The following KIAA1328 variants were observed in gnomAD, a reference collection of about 807,000 sequenced individuals.
KIAA1328 encodes KIAA1328.
KIAA1328 carries 52 observed loss-of-function variants against 68.1 expected under a neutral mutation model. The ratio of observed to expected loss-of-function variants is 0.76; its 90% CI spans 0.61 to 0.96. The LOEUF (loss-of-function observed/expected upper bound fraction) is 0.96, where lower values mean the gene tolerates loss of function less well. KIAA1328 is among the 40% of genes least tolerant of loss of function. The probability of loss-of-function intolerance (pLI) is 0.00; values close to 1 mark genes in which losing one functional copy is unlikely to be tolerated. For synonymous variants in KIAA1328, 232 were observed against 239.4 expected (o/e 0.97, Z 0.28); for missense variants, 641 against 677.6 (o/e 0.95, Z 0.60).
At chr18:37,011,294 A>G (rs992654171) in intron 6 of KIAA1328, among the ~76,000 whole-genome samples, 3 of 152,146 alleles carry the variant, frequency 2.0e-5, no homozygotes, top group African/African-American at 4.8e-5. Flanking sequence ...ACCTGCCACT[A>G]CATTACCTAT....
intron 5 of KIAA1328, among the ~76,000 whole-genome samples, chr18:36,931,160 A>G (rs773260765): frequency 1.3e-5 from 2 of 152,088 alleles, no homozygotes; most frequent in African/African-American, 4.8e-5. Context: ...CTCCCAAACA[A>G]TAAAGAAATC....
chr18:37,015,997 C>G (rs576918771), intron 6 of KIAA1328, among the ~76,000 whole-genome samples: 1 of 152,078 alleles, frequency 6.6e-6, no homozygotes, highest in South Asian at 2.1e-4. Flanking sequence ...ATTTCTTTCT[C>G]TTGCCTGATT....
At chr18:36,930,574 A>T (rs980415505) in intron 5 of KIAA1328, among the ~76,000 whole-genome samples, 1 of 152,162 alleles carries the variant, frequency 6.6e-6, no homozygotes, top group African/African-American at 2.4e-5. Flanking sequence ...AGTTTTAAAA[A>T]TAATGGTAGC....
chr18:36,916,920 A>AT (rs769222475), intron 5 of KIAA1328, among the ~76,000 whole-genome samples: 329 of 142,112 alleles, frequency 2.3e-3, no homozygotes, highest in Middle Eastern at 3.7e-3. Context: ...AGCTCACTTC[A>AT]TTTTTTTTTT....
intron 9 of KIAA1328, among the ~76,000 whole-genome samples, chr18:37,176,471 T>C (rs960985396): frequency 6.6e-5 from 10 of 152,230 alleles, no homozygotes; most frequent in Non-Finnish European, 1.2e-4. Context: ...CTGCAGTGTT[T>C]CTTTCTCTCC....
intron 4 of KIAA1328, among the ~76,000 whole-genome samples, chr18:36,883,849 A>G (rs1337805093): frequency 2.0e-5 from 3 of 151,604 alleles, no homozygotes; most frequent in Admixed American, 1.3e-4. Flanking sequence ...CTGTCATCCT[A>G]TTGGTATGGC....
intron 7 of KIAA1328, among the ~76,000 whole-genome samples, chr18:37,137,892 G>A (rs1358361188): frequency 6.6e-6 from 1 of 152,008 alleles, no homozygotes; most frequent in African/African-American, 2.4e-5. Flanking sequence ...ATAACTGTGT[G>A]ATAATATAAC....
rs2059508896 is a variant in KIAA1328 at position 37,171,993 on chromosome 18, C to T, written c.1415-980C>T. 2.6e-5 allele frequency among the ~76,000 whole-genome samples: 4 copies of T among 152,310 alleles called. No individual in the cohort carries two copies. In the South Asian group the frequency reaches 6.2e-4, roughly 24 times the overall value. On this transcript the variant is annotated intron_variant, in intron 8 of 9. Transcript: ENST00000280020. ...CCAAGGATAATGGTGATCATTTTGA[C>T]GCTAATCGCTATAGCTGTAAGACTC...
chr18:37,069,532 ATGAGT>A (rs2056458338), intron 7 of KIAA1328, among the ~76,000 whole-genome samples: 1 of 152,158 alleles, frequency 6.6e-6, no homozygotes, highest in Non-Finnish European at 1.5e-5. Context: ...GCCTCATAAA[ATGAGT>A]TGGGAGATGT....
At chr18:37,132,307 GT>G (rs2058542305) in intron 7 of KIAA1328, among the ~76,000 whole-genome samples, 1 of 152,160 alleles carries the variant, frequency 6.6e-6, no homozygotes, top group East Asian at 1.9e-4. Context: ...CAGCTTGATT[GT>G]TGTTATCGAG....
rs923346731 is a variant in KIAA1328, at chr18:36,835,311, A to G, written c.172A>G (p.Arg58Gly). 2.5e-6 allele frequency: 4 copies of G among 1,613,678 alleles called. No individual in the cohort carries two copies. Among genetic ancestry groups the G allele is most frequent in the East Asian group, 2.2e-5 (1 of 44,860 alleles). Residue 58 changes from arginine (R) to glycine (G), a missense_variant, in exon 3 of 10, where the codon AGG becomes GGG. By Grantham distance (125) the Arg-to-Gly change is moderately radical (BLOSUM62 -2). Transcript: ENST00000280020. ...AGCTGATGTTAAACTTAAGACTTCC[A>G]GGGTGACTGATGCTTCAATCTCCAT... ...PKADVKLKTS[R>G]VTDASISMES...
downstream of KIAA1328, chr18:37,229,475 C>A: frequency 7.9e-6 from 8 of 1,010,710 alleles, no homozygotes; most frequent in Non-Finnish European, 1.0e-5. Flanking sequence ...CAAAACTTGC[C>A]AAGGTCATCA....
intron 7 of KIAA1328, among the ~76,000 whole-genome samples, chr18:37,137,216 A>G (rs1326140913): frequency 6.6e-6 from 1 of 152,102 alleles, no homozygotes; most frequent in East Asian, 1.9e-4. Context: ...CCATCAGGGA[A>G]TACTGCTTAG....
chr18:36,831,604 A>G (rs550042288), intron 1 of KIAA1328, among the ~76,000 whole-genome samples: 8 of 152,368 alleles, frequency 5.3e-5, no homozygotes, highest in African/African-American at 1.7e-4. Context: ...ATATTAAAAA[A>G]TATGAACTGC....
intron 5 of KIAA1328, among the ~76,000 whole-genome samples, chr18:36,927,813 G>A (rs963610023): frequency 3.4e-5 from 5 of 148,840 alleles, no homozygotes; most frequent in African/African-American, 5.0e-5. Context: ...GAGAGAGAGA[G>A]GAAAGAAAAA....
At chr18:36,997,851 G>A (rs2151438535) in intron 6 of KIAA1328, among the ~76,000 whole-genome samples, 1 of 152,244 alleles carries the variant, frequency 6.6e-6, no homozygotes, top group Non-Finnish European at 1.5e-5. Flanking sequence ...CTCTGCAGCT[G>A]GTACTGTGGT....
At chr18:36,832,618 A>G (rs977979697) in intron 1 of KIAA1328, 6 of 150,728 alleles carry the variant, frequency 4.0e-5, no homozygotes, top group African/African-American at 1.5e-4. Flanking sequence ...TTTTGTTTGC[A>G]TATTTAGAAT....
chr18:36,900,454 G>A (rs1215906689), intron 5 of KIAA1328, among the ~76,000 whole-genome samples: 1 of 151,906 alleles, frequency 6.6e-6, no homozygotes, highest in Admixed American at 6.6e-5. Context: ...GCAGTGACTT[G>A]TAGCAGTAAT....
chr18:36,875,030 A>G (rs1173370591), intron 4 of KIAA1328, among the ~76,000 whole-genome samples: 1 of 152,130 alleles, frequency 6.6e-6, no homozygotes, highest in African/African-American at 2.4e-5. Flanking sequence ...ACTGGTCTAT[A>G]TATCTGTTTT....
Sources: gnomAD v4.1 joint callset for allele counts (sites outside exome capture counted in the v4.1 genomes callset) on GRCh38, gnomAD v4.1.1 for gene constraint, MANE v1.5 for transcripts, NCBI Gene and HGNC (gene_info 2026-07-23, HGNC 2026-07-21) for gene names.